The following ABCC1 variants were observed in gnomAD, a reference collection of about 807,000 sequenced individuals.
ABCC1 encodes ATP binding cassette subfamily C member 1 (ABCC1 blood group), also known as multidrug resistance-associated protein 1.
A neutral mutation model predicts 172.9 loss-of-function variants in ABCC1; 83 were observed. The ratio of observed to expected loss-of-function variants is 0.48; its 90% CI spans 0.40 to 0.58. ABCC1 has a LOEUF of 0.58. Ranked by LOEUF, ABCC1 falls within the 20% of genes least tolerant of loss-of-function variation. The pLI, the probability that ABCC1 is intolerant of heterozygous loss-of-function variation, is 0.00. For missense variants in ABCC1, 1,817 were observed against 2,002.7 expected, an observed-to-expected ratio of 0.91 and a Z score of 1.77; for synonymous variants, 937 against 825.2, an observed-to-expected ratio of 1.14 and a Z score of -2.32.
chr16:16,024,026 C>T (rs2048285459), intron 5 of ABCC1, among the ~76,000 whole-genome samples: 1 of 152,084 alleles, frequency 6.6e-6, no homozygotes, highest in Middle Eastern at 3.2e-3. Context: ...CAAGACCAGC[C>T]TGGCCAACGT....
chr16:16,113,728 T>C (rs1050480131), intron 22 of ABCC1, among the ~76,000 whole-genome samples: 1 of 152,156 alleles, frequency 6.6e-6, no homozygotes, highest in Non-Finnish European at 1.5e-5. Context: ...TAGCCATCAT[T>C]TCAGAAAATT....
intron 5 of ABCC1, among the ~76,000 whole-genome samples, chr16:16,021,447 T>TG (rs1317459675): frequency 6.6e-6 from 1 of 152,170 alleles, no homozygotes; most frequent in East Asian, 1.9e-4. Flanking sequence ...CCAGGTGTGG[T>TG]GGCTTACACC....
chr16:16,091,607 G>T (rs2152023660), intron 19 of ABCC1, among the ~76,000 whole-genome samples: 1 of 152,280 alleles, frequency 6.6e-6, no homozygotes, highest in African/African-American at 2.4e-5. Context: ...AGAGGGAACA[G>T]CCAGTACAAA....
At chr16:16,124,981 T>C in intron 25 of ABCC1, 66 bp downstream of exon 25, 1 of 1,605,726 alleles carries the variant, frequency 6.2e-7, no homozygotes, top group Non-Finnish European at 8.5e-7. Context: ...TGTCCTTGGC[T>C]TTGGATTCCA....
intron 1 of ABCC1, among the ~76,000 whole-genome samples, chr16:15,951,214 C>A (rs1421629349): frequency 1.3e-5 from 2 of 152,076 alleles, no homozygotes; most frequent in Admixed American, 6.6e-5. Flanking sequence ...CCAGAATATT[C>A]TCTTGTTTAT....
chr16:16,042,483 AC>A (rs1296723218), intron 7 of ABCC1, among the ~76,000 whole-genome samples: 1 of 152,086 alleles, frequency 6.6e-6, no homozygotes, highest in Non-Finnish European at 1.5e-5. Flanking sequence ...CAGGCAGATC[AC>A]TTGAGGTCAG....
At chr16:15,981,313 C>G (rs1390238039) in intron 1 of ABCC1, among the ~76,000 whole-genome samples, 1 of 152,234 alleles carries the variant, frequency 6.6e-6, no homozygotes, top group Non-Finnish European at 1.5e-5. Flanking sequence ...TATGGGGCCT[C>G]TGGCCCCACA....
intron 22 of ABCC1, 41 bp from the exon 23 acceptor site, chr16:16,114,725 C>T: frequency 6.5e-7 from 1 of 1,547,154 alleles, no homozygotes; most frequent in Admixed American, 1.8e-5. Context: ...CTGGTCAGCT[C>T]CCTCTCTGCA....
rs536770544 is a variant in ABCC1, at chr16:16,113,718, T to C, written c.3080-1048T>C. On this transcript the variant is annotated intron_variant, in intron 22 of 30. Coordinates refer to ENST00000399410, the MANE Select transcript of ABCC1 (RefSeq NM_004996.4). ...GACTAGACACGTTTCAAGTGCTCAGTAGCCATCATTTCAGAAAATTATCTC... is the reference window on the plus strand; with the variant it reads ...GACTAGACACGTTTCAAGTGCTCAGCAGCCATCATTTCAGAAAATTATCTC... Among the ~76,000 whole-genome samples the C allele has an allele frequency of 5.9e-5, 9 of 152,292 alleles. No homozygotes were observed. The South Asian group carries it at 1.9e-3, about 32-fold the overall frequency.
chr16:16,025,290 G>GAC (rs2048333615), intron 5 of ABCC1, among the ~76,000 whole-genome samples: 1 of 152,176 alleles, frequency 6.6e-6, no homozygotes, highest in South Asian at 2.1e-4. Flanking sequence ...GACAGATGAA[G>GAC]ACACTGAGGG....
chr16:16,043,671 C>T (rs62031975), intron 7 of ABCC1, among the ~76,000 whole-genome samples: 7,368 of 150,916 alleles, frequency 0.049, 193 homozygotes, highest in Middle Eastern at 0.13. Context: ...GCCTGATCTC[C>T]ACTCACAGCA....
Position 16,063,282 on chromosome 16 carries a change from C to A in ABCC1, c.1678-4874C>A, listed in dbSNP as rs551381407. Among the ~76,000 whole-genome samples, 5 of 151,960 alleles carry A rather than the reference C, an allele frequency of 3.3e-5. No individual in the cohort carries two copies. The South Asian group carries it at 1.0e-3, about 32-fold the overall frequency. On this transcript the variant is annotated intron_variant, in intron 12 of 30. Transcript: ENST00000399410. The stretch of plus-strand genomic sequence containing the variant: ...CCACCACACCTGGCTAATTTTTTGT[C>A]TTTTTAGTAGAGATGGGGTTTCACC...
intron 1 of ABCC1, among the ~76,000 whole-genome samples, chr16:15,976,676 A>G (rs1027345889): frequency 8.5e-5 from 13 of 152,172 alleles, no homozygotes; most frequent in Non-Finnish European, 2.9e-5. Context: ...ACGTGGCTTT[A>G]TGAGCTGTTT....
intron 27 of ABCC1, among the ~76,000 whole-genome samples, chr16:16,133,440 G>A (rs1223796256): frequency 6.6e-6 from 1 of 151,990 alleles, no homozygotes; most frequent in Non-Finnish European, 1.5e-5. Context: ...CTCTCACTCT[G>A]TCACCCAGGC....
At chr16:15,965,445 C>T (rs2046222503) in intron 1 of ABCC1, among the ~76,000 whole-genome samples, 2 of 152,008 alleles carry the variant, frequency 1.3e-5, no homozygotes, top group South Asian at 2.1e-4. Flanking sequence ...GCACCTGCCA[C>T]CACGCCTGGC....
chr16:16,115,966 G>A (rs572398008), intron 23 of ABCC1, among the ~76,000 whole-genome samples: 51 of 150,976 alleles, frequency 3.4e-4, no homozygotes, highest in African/African-American at 8.5e-4. Flanking sequence ...GCAGTGGCGC[G>A]ATCTCGGCTC....
intron 7 of ABCC1, among the ~76,000 whole-genome samples, chr16:16,039,266 C>CT (rs1202497870): frequency 0.012 from 1,069 of 87,750 alleles, 15 homozygotes; most frequent in Non-Finnish European, 0.016. Context: ...TGTGTGTTTT[C>CT]TTTTTTTTTT....
chr16:16,114,383 A>G (rs1316863961), intron 22 of ABCC1, among the ~76,000 whole-genome samples: 1 of 150,412 alleles, frequency 6.6e-6, no homozygotes, highest in African/African-American at 2.5e-5. Flanking sequence ...TCTGTCGCCC[A>G]TGTTGGAGTG....
chr16:15,989,368 C>T (rs147810203), intron 1 of ABCC1, among the ~76,000 whole-genome samples: 84 of 152,292 alleles, frequency 5.5e-4, no homozygotes, highest in Non-Finnish European at 1.0e-3. Flanking sequence ...CCCTGCCAGC[C>T]GTGCTTGCCT....
Sources: gnomAD v4.1 joint callset for allele counts (sites outside exome capture counted in the v4.1 genomes callset) on GRCh38, gnomAD v4.1.1 for gene constraint, MANE v1.5 for transcripts, NCBI Gene and HGNC (gene_info 2026-07-23, HGNC 2026-07-21) for gene names.